FANCL: variants seen among roughly 807,000 people sequenced by gnomAD.
FANCL encodes E3 ubiquitin-protein ligase FANCL.
A neutral mutation model predicts 59.4 loss-of-function variants in FANCL; 69 were observed. The ratio of observed to expected loss-of-function variants is 1.16; its 90% confidence interval spans 0.96 to 1.42. FANCL has a LOEUF of 1.42. Among genes scored for constraint, FANCL ranks in the 40% most tolerant of loss-of-function variants. The pLI, the probability that FANCL is intolerant of heterozygous loss-of-function variation, is 0.00. For synonymous variants in FANCL, 180 were observed against 147.1 expected (o/e 1.22, Z -1.62); for missense variants, 519 against 447.2 (o/e 1.16, Z -1.45).
At chr2:58,183,949 T>C (rs116527488) in intron 7 of FANCL, among the ~76,000 whole-genome samples, 1 of 152,102 alleles carries the variant, frequency 6.6e-6, no homozygotes, top group Non-Finnish European at 1.5e-5. Context: ...CTCTAAGCTT[T>C]AACATTGCAC....
intron 7 of FANCL, among the ~76,000 whole-genome samples, chr2:58,182,333 G>T (rs542434596): frequency 2.6e-5 from 4 of 151,694 alleles, no homozygotes; most frequent in Non-Finnish European, 5.9e-5. Flanking sequence ...TGATTCTAAT[G>T]TGCAGATAAG....
In FANCL at chr2:58,211,271, G is replaced by T. The variant is rs139481975; in HGVS notation, c.375-7045C>A. ...ACAGGCTCAACAACATGTGGAAGCT[G>T]CCAAGGCTTGGGGTTTGCACCCTCT... On this transcript the variant is annotated intron_variant, in intron 5 of 13. Transcript: ENST00000233741. Among the ~76,000 whole-genome samples the T allele has an allele frequency of 4.1e-3, 629 of 152,338 alleles. 7 individuals carry two copies. Among genetic ancestry groups the T allele is most frequent in the African/African-American group, 0.014 (598 of 41,578 alleles).
intron 7 of FANCL, among the ~76,000 whole-genome samples, chr2:58,195,636 G>A (rs538600302): frequency 7.2e-4 from 109 of 151,942 alleles, no homozygotes; most frequent in Admixed American, 3.1e-3. Context: ...ATGCCACAGA[G>A]ATATTTATAT....
chr2:58,237,162 G>C (rs1029117702), intron 1 of FANCL, among the ~76,000 whole-genome samples: 2 of 152,000 alleles, frequency 1.3e-5, no homozygotes, highest in African/African-American at 4.8e-5. Context: ...AATAGCAACA[G>C]AATAGTCATT....
At chr2:58,222,315 A>AT (rs951581519) in intron 4 of FANCL, among the ~76,000 whole-genome samples, 9 of 84,990 alleles carry the variant, frequency 1.1e-4, no homozygotes, top group South Asian at 3.1e-4. Flanking sequence ...CCTATCGGAG[A>AT]TAAAAAAAAA....
chr2:58,170,961 G>T (rs1686542565), intron 7 of FANCL, among the ~76,000 whole-genome samples: 2 of 152,106 alleles, frequency 1.3e-5, no homozygotes, highest in African/African-American at 2.4e-5. Flanking sequence ...ATATTAGACA[G>T]ATCAACGAGA....
Position 58,228,349 on chromosome 2 carries a change from A to G in FANCL, c.216+1465T>C, listed in dbSNP as rs148883624. ...CAATGCATGAACACATATGATTCAC[A>G]TCTTAACATAGCTTTGAGTGGGTCT... On this transcript the variant is annotated intron_variant, in intron 3 of 13. Transcript: ENST00000233741. Among the ~76,000 whole-genome samples the G allele has an allele frequency of 3.3e-3, 509 of 152,364 alleles. 2 individuals carry two copies. Among genetic ancestry groups the G allele is most frequent in the Middle Eastern group, 0.014 (4 of 294 alleles).
chr2:58,195,309 A>C (rs1243967401), intron 7 of FANCL, among the ~76,000 whole-genome samples: 4 of 152,166 alleles, frequency 2.6e-5, no homozygotes, highest in Non-Finnish European at 5.9e-5. Flanking sequence ...ATACAGCCAG[A>C]ATCTTATAGG....
intron 7 of FANCL, among the ~76,000 whole-genome samples, chr2:58,177,224 G>C (rs906468508): frequency 2.0e-5 from 3 of 152,136 alleles, no homozygotes; most frequent in African/African-American, 7.2e-5. Context: ...TCAGTGTGGC[G>C]ATTCCTCAGG....
rs773540831 is a variant in FANCL at position 58,198,580 on chromosome 2, TGAG to T, written c.540+11_540+13del. ...CTTAAAACAAATTTAAGAATTTACC[TGAG>T]GAGAATTTACCTGAGGTGTCCAGGA... On this transcript the variant is annotated intron_variant, in intron 7 of 13. Transcript: ENST00000233741. 6.2e-7 allele frequency: 1 copy of T among 1,606,974 alleles called. No individual in the cohort carries two copies. The highest frequency in any genetic ancestry group is 8.5e-7 in the Non-Finnish European group (1 of 1,173,834).
intron 5 of FANCL, among the ~76,000 whole-genome samples, chr2:58,216,654 A>T (rs1355376132): frequency 6.6e-6 from 1 of 152,196 alleles, no homozygotes; most frequent in Non-Finnish European, 1.5e-5. Context: ...GTTTTCAAAA[A>T]GTATTAGGGA....
At chr2:58,236,067 A>G (rs1573837506) in intron 1 of FANCL, among the ~76,000 whole-genome samples, 1 of 151,748 alleles carries the variant, frequency 6.6e-6, no homozygotes, top group African/African-American at 2.4e-5. Flanking sequence ...AAAAAAAGAA[A>G]GAAAGAAAAA....
intron 4 of FANCL, among the ~76,000 whole-genome samples, chr2:58,224,348 C>T (rs1692768683): frequency 6.6e-6 from 1 of 151,798 alleles, no homozygotes; most frequent in Admixed American, 6.6e-5. Context: ...ACCAAATATG[C>T]TTCACTTGTT....
At position 58,159,483 on chromosome 2, in the gene FANCL, A is replaced by G. The variant is rs1558723250; in HGVS notation, c.*282T>C. The G allele has an allele frequency of 5.6e-6, 9 of 1,613,742 alleles. No homozygotes were observed. The highest frequency in any genetic ancestry group is 1.1e-5 in the South Asian group (1 of 91,064). On this transcript the variant is annotated 3_prime_UTR_variant, in exon 14 of 14. Transcript: ENST00000233741. ...AGCCTCATCAAGATTTTACCAGTCC[A>G]GATATATTCAAGAAGTCAAGATCTC...
chr2:58,174,543 G>C (rs560579823), intron 7 of FANCL, among the ~76,000 whole-genome samples: 4 of 152,120 alleles, frequency 2.6e-5, no homozygotes, highest in Non-Finnish European at 5.9e-5. Flanking sequence ...TGACTACTGG[G>C]TACATAACAA....
At chr2:58,221,232 T>C (rs887877073) in intron 5 of FANCL, among the ~76,000 whole-genome samples, 3 of 152,050 alleles carry the variant, frequency 2.0e-5, no homozygotes, top group Non-Finnish European at 4.4e-5. Flanking sequence ...ATATTTTTAC[T>C]GGTGCTTTAG....
chr2:58,241,146 C>A lies in FANCL; in HGVS notation c.96+72G>T, dbSNP rs1367085736. ...AGTCTGGGCCCCTAACCTCCTAGCC[C>A]GTCACAGACTTCTCCGCGCAGCTAC... On this transcript the variant is annotated intron_variant, in intron 1 of 13. Transcript: ENST00000233741. The A allele has an allele frequency of 3.9e-6, 6 of 1,520,712 alleles. No homozygotes were observed. In the Admixed American group the frequency reaches 1.0e-4, roughly 26 times the overall value. The allele number at this position is 1,520,712 out of a possible 1,614,324, so 94.2% of individuals were successfully genotyped here. A position where few individuals can be genotyped will look rare whatever the true frequency, so the allele number is the denominator to read the frequency against.
At chr2:58,179,937 A>G (rs548568046) in intron 7 of FANCL, among the ~76,000 whole-genome samples, 49 of 152,330 alleles carry the variant, frequency 3.2e-4, no homozygotes, top group Admixed American at 1.0e-3. Flanking sequence ...TTCTCAAAAG[A>G]ACACATTTAT....
intron 7 of FANCL, among the ~76,000 whole-genome samples, chr2:58,176,390 C>A (rs1234085048): frequency 1.3e-5 from 2 of 151,476 alleles, no homozygotes; most frequent in Non-Finnish European, 3.0e-5. Flanking sequence ...TACTACAAGG[C>A]TACAGTAACC....
Sources: allele counts gnomAD v4.1 joint callset (sites outside exome capture counted in the v4.1 genomes callset), GRCh38; gene constraint gnomAD v4.1.1; transcripts MANE v1.5; gene names NCBI Gene and HGNC (gene_info 2026-07-23, HGNC 2026-07-21).